SLC14A2: variants seen among roughly 807,000 people sequenced by gnomAD.
SLC14A2 encodes solute carrier family 14 member 2.
Under a neutral mutation model 104.6 loss-of-function variants are expected in SLC14A2, and 91 were observed. The observed-to-expected ratio is 0.87, with a 90% CI of 0.73 to 1.04. The LOEUF (loss-of-function observed/expected upper bound fraction) is 1.04. Among genes scored for constraint, SLC14A2 ranks in the 50% least tolerant of loss-of-function variants. The pLI, the probability that SLC14A2 is intolerant of heterozygous loss-of-function variation, is 0.00. For missense variants in SLC14A2, 1,189 were observed against 1,156.0 expected, an observed-to-expected ratio of 1.03 and a Z score of -0.41; for synonymous variants, 476 against 466.4, an observed-to-expected ratio of 1.02 and a Z score of -0.27.
intron 2 of SLC14A2, among the ~76,000 whole-genome samples, chr18:45,526,914 A>G (rs1315707902): frequency 6.6e-6 from 1 of 152,234 alleles, no homozygotes. Context: ...GGAAGGAGGA[A>G]TCAGACAGGA....
chr18:45,274,528 G>T (rs1402516788), intron 1 of SLC14A2, among the ~76,000 whole-genome samples: 1 of 152,118 alleles, frequency 6.6e-6, no homozygotes, highest in African/African-American at 2.4e-5. Context: ...TTACTCCACG[G>T]TTATGGATGC....
intron 1 of SLC14A2, among the ~76,000 whole-genome samples, chr18:45,349,917 A>G (rs1048759812): frequency 2.0e-5 from 3 of 152,264 alleles, no homozygotes; most frequent in African/African-American, 7.2e-5. Context: ...ATGGCAGGAA[A>G]CATTGACTAC....
intron 2 of SLC14A2, among the ~76,000 whole-genome samples, chr18:45,595,345 G>C (rs962489020): frequency 1.7e-4 from 25 of 151,502 alleles, no homozygotes; most frequent in Non-Finnish European, 3.2e-4. Context: ...TTTATACGCA[G>C]TATCTCATTT....
chr18:45,571,853 ATATGGGTTGATT>A lies in SLC14A2; in HGVS notation c.-34-52777_-34-52766del, dbSNP rs557831800. Among the ~76,000 whole-genome samples, 861 of 152,330 alleles carry A rather than the reference ATATGGGTTGATT, an allele frequency of 5.7e-3. 6 individuals carry two copies. The highest frequency in any genetic ancestry group is 0.01 in the Middle Eastern group (3 of 294). On this transcript the variant is annotated intron_variant, in intron 2 of 20. Transcript: ENST00000586448. ...ACATTTTCTCATTGAGTAAAATATA[ATATGGGTTGATT>A]GATAGGGTTGGTTGAACATTATCTG...
chr18:45,503,824 CCTGAA>C (rs2043238367), intron 2 of SLC14A2, among the ~76,000 whole-genome samples: 1 of 147,830 alleles, frequency 6.8e-6, no homozygotes, highest in African/African-American at 2.5e-5. Context: ...AGTAATTATC[CCTGAA>C]TTATCAAAGA....
intron 2 of SLC14A2, among the ~76,000 whole-genome samples, chr18:45,538,692 T>C (rs1336919640): frequency 6.6e-6 from 1 of 152,156 alleles, no homozygotes; most frequent in Non-Finnish European, 1.5e-5. Flanking sequence ...CTCTGCCATA[T>C]GCTATTAGTC....
At chr18:45,338,376 AT>A (rs913282191) in intron 1 of SLC14A2, among the ~76,000 whole-genome samples, 4 of 151,410 alleles carry the variant, frequency 2.6e-5, no homozygotes, top group Admixed American at 6.6e-5. Context: ...AATTTTTTGT[AT>A]TTTTTAGTAG....
intron 2 of SLC14A2, among the ~76,000 whole-genome samples, chr18:45,491,485 C>T (rs1236822374): frequency 6.6e-6 from 1 of 152,034 alleles, no homozygotes; most frequent in African/African-American, 2.4e-5. Flanking sequence ...AGAATAGGCT[C>T]ACAGAAAGGA....
intron 1 of SLC14A2, among the ~76,000 whole-genome samples, chr18:45,383,274 T>C (rs1254657497): frequency 6.6e-6 from 1 of 152,086 alleles, no homozygotes; most frequent in Non-Finnish European, 1.5e-5. Flanking sequence ...TTCTATTCAG[T>C]GATGCGCAGA....
At chr18:45,321,001 G>T (rs1006608689) in intron 1 of SLC14A2, among the ~76,000 whole-genome samples, 2 of 152,338 alleles carry the variant, frequency 1.3e-5, no homozygotes, top group Admixed American at 1.3e-4. Context: ...ACAAGACATT[G>T]AACCAGGGTT....
At chr18:45,659,042 C>T (rs771114350) in intron 10 of SLC14A2, among the ~76,000 whole-genome samples, 4 of 152,140 alleles carry the variant, frequency 2.6e-5, no homozygotes, top group Admixed American at 1.3e-4. Context: ...CTACATGCAC[C>T]GGGACACTTA....
At chr18:45,425,351 A>G (rs1318671416) in intron 1 of SLC14A2, among the ~76,000 whole-genome samples, 2 of 152,230 alleles carry the variant, frequency 1.3e-5, no homozygotes, top group African/African-American at 4.8e-5. Context: ...CACCAGTCCC[A>G]GGCTTTGGTT....
intron 1 of SLC14A2, among the ~76,000 whole-genome samples, chr18:45,399,537 T>C (rs756746909): frequency 6.6e-6 from 1 of 152,316 alleles, no homozygotes; most frequent in South Asian, 2.1e-4. Context: ...GAAATGCTAC[T>C]TTGCTTGCCT....
intron 2 of SLC14A2, among the ~76,000 whole-genome samples, chr18:45,493,531 A>G (rs2043038121): frequency 6.6e-6 from 1 of 152,228 alleles, no homozygotes; most frequent in South Asian, 2.1e-4. Context: ...TGAGTGTTTT[A>G]TGTATATTAA....
chr18:45,270,436 C>T (rs896838634), intron 1 of SLC14A2, among the ~76,000 whole-genome samples: 9 of 152,118 alleles, frequency 5.9e-5, no homozygotes, highest in Non-Finnish European at 1.2e-4. Flanking sequence ...CCAACTTCTT[C>T]CTGGTGCTGC....
chr18:45,291,224 A>T (rs1222093978), intron 1 of SLC14A2, among the ~76,000 whole-genome samples: 2 of 152,168 alleles, frequency 1.3e-5, no homozygotes, highest in Non-Finnish European at 1.5e-5. Context: ...ACAGTATAGG[A>T]TACATAAGGC....
chr18:45,426,512 T>C (rs2086428777), intron 1 of SLC14A2, among the ~76,000 whole-genome samples: 1 of 151,276 alleles, frequency 6.6e-6, no homozygotes, highest in African/African-American at 2.4e-5. Context: ...GTTTTATCCC[T>C]GATAACACAA....
intron 1 of SLC14A2, among the ~76,000 whole-genome samples, chr18:45,280,494 C>T (rs917747789): frequency 6.6e-6 from 1 of 152,142 alleles, no homozygotes; most frequent in Non-Finnish European, 1.5e-5. Flanking sequence ...CTGGGGTCTC[C>T]AGCCTCGAAG....
At chr18:45,385,398 G>A (rs560044925) in intron 1 of SLC14A2, among the ~76,000 whole-genome samples, 6 of 152,338 alleles carry the variant, frequency 3.9e-5, no homozygotes, top group Admixed American at 2.0e-4. Context: ...ACACATCTCA[G>A]CCCTTCTTCC....
Sources: allele counts gnomAD v4.1 joint callset (sites outside exome capture counted in the v4.1 genomes callset), GRCh38; gene constraint gnomAD v4.1.1; transcripts MANE v1.5; gene names NCBI Gene and HGNC (gene_info 2026-07-23, HGNC 2026-07-21).